Variants in OR51B5 observed in about 807,000 individuals in gnomAD.
OR51B5 encodes olfactory receptor 51B5.
For missense variants in OR51B5, 456 were observed against 374.6 expected, an observed-to-expected ratio of 1.22 and a Z score of -1.79; for synonymous variants, 186 against 144.8, an observed-to-expected ratio of 1.28 and a Z score of -2.04.
At chr11:5,358,763 A>C (rs918708277) in intron 1 of OR51B5, among the ~76,000 whole-genome samples, 1 of 152,206 alleles carries the variant, frequency 6.6e-6, no homozygotes, top group Non-Finnish European at 1.5e-5. Flanking sequence ...TGGCAAAGCA[A>C]ATCCAGCAGC....
intron 1 of OR51B5, among the ~76,000 whole-genome samples, chr11:5,373,005 C>A (rs144519617): frequency 9.9e-5 from 15 of 152,166 alleles, no homozygotes; most frequent in African/African-American, 3.6e-4. Flanking sequence ...ATAAAGAGCC[C>A]AGAAATAAAT....
upstream of OR51B5, among the ~76,000 whole-genome samples, chr11:5,345,462 A>C (rs186023327): frequency 1.3e-5 from 2 of 152,282 alleles, no homozygotes; most frequent in Admixed American, 1.3e-4. Context: ...AGTGAGGGAA[A>C]AATCAAATGA....
At chr11:5,490,715 C>T (rs392736) in intron 1 of OR51B5, among the ~76,000 whole-genome samples, 146,280 of 152,282 alleles carry the variant, frequency 0.96, 70,291 homozygotes, top group South Asian at 0.98. Context: ...ATCTCATACA[C>T]TGTCCAGTAT....
intron 1 of OR51B5, among the ~76,000 whole-genome samples, chr11:5,394,738 C>G (rs1849842228): frequency 6.6e-6 from 1 of 152,184 alleles, no homozygotes; most frequent in African/African-American, 2.4e-5. Flanking sequence ...ATTTGTATCA[C>G]CTGGGAAGCC....
chr11:5,412,702 C>G (rs918912284), intron 1 of OR51B5, among the ~76,000 whole-genome samples: 1 of 152,096 alleles, frequency 6.6e-6, no homozygotes, highest in Non-Finnish European at 1.5e-5. Context: ...GCACAGCAGT[C>G]TGCGATCAAA....
At chr11:5,483,250 T>C (rs868680830) in intron 1 of OR51B5, among the ~76,000 whole-genome samples, 1,697 of 143,778 alleles carry the variant, frequency 0.012, 33 homozygotes, top group African/African-American at 0.041. Context: ...AGTAAACTAT[T>C]GCAAGAACAA....
At chr11:5,389,753 T>C in intron 1 of OR51B5, 1 of 1,613,964 alleles carries the variant, frequency 6.2e-7, no homozygotes, top group Non-Finnish European at 8.5e-7. Flanking sequence ...CATCCACTCT[T>C]TTTCCTTCAT....
intron 1 of OR51B5, among the ~76,000 whole-genome samples, chr11:5,486,247 GTTTTA>G (rs1178070311): frequency 9.8e-6 from 1 of 102,034 alleles, no homozygotes; most frequent in Admixed American, 9.5e-5. Flanking sequence ...TTTTCTTTCT[GTTTTA>G]TTTTTTCAAA....
intron 1 of OR51B5, among the ~76,000 whole-genome samples, chr11:5,436,828 G>A (rs1363048765): frequency 6.6e-6 from 1 of 152,164 alleles, no homozygotes; most frequent in African/African-American, 2.4e-5. Flanking sequence ...CAAAGACACA[G>A]ACTGATCAAA....
chr11:5,489,299 A>T, intron 1 of OR51B5: 1 of 1,611,536 alleles, frequency 6.2e-7, no homozygotes, highest in Non-Finnish European at 8.5e-7. Context: ...ATCACTGTCA[A>T]TATTGTCTAT....
At chr11:5,381,875 T>C (rs915435150) in intron 1 of OR51B5, among the ~76,000 whole-genome samples, 3 of 152,218 alleles carry the variant, frequency 2.0e-5, no homozygotes, top group Non-Finnish European at 4.4e-5. Context: ...CAGATGTTAG[T>C]TTAAAAAAGT....
intron 1 of OR51B5, among the ~76,000 whole-genome samples, chr11:5,397,543 A>T (rs1323910908): frequency 6.6e-6 from 1 of 150,648 alleles, no homozygotes; most frequent in African/African-American, 2.4e-5. Context: ...TTAAAAAGTC[A>T]GGAAACAACA....
intron 1 of OR51B5, among the ~76,000 whole-genome samples, chr11:5,369,490 G>T (rs1420796149): frequency 6.6e-6 from 1 of 151,850 alleles, no homozygotes; most frequent in Non-Finnish European, 1.5e-5. Flanking sequence ...CTGATAATTT[G>T]AGACATTTAA....
At chr11:5,352,433 A>T (rs1221829220) in intron 1 of OR51B5, 1 of 1,585,954 alleles carries the variant, frequency 6.3e-7, no homozygotes, top group Non-Finnish European at 8.6e-7. Context: ...TCTCTGCCTC[A>T]CTCTAGAGCA....
At chr11:5,390,440 T>C in intron 1 of OR51B5, 7 of 1,408,992 alleles carry the variant, frequency 5.0e-6, no homozygotes, top group Non-Finnish European at 6.6e-6. Context: ...GACTGAAAAT[T>C]TGGAGTATTG....
At chr11:5,478,857 T>G (rs990159408) in intron 1 of OR51B5, among the ~76,000 whole-genome samples, 26 of 150,164 alleles carry the variant, frequency 1.7e-4, no homozygotes, top group Middle Eastern at 3.4e-3. Context: ...AATATGGGAC[T>G]ATGTGAAAAG....
At chr11:5,360,053 C>A (rs1200475923) in intron 1 of OR51B5, among the ~76,000 whole-genome samples, 1 of 152,038 alleles carries the variant, frequency 6.6e-6, no homozygotes, top group African/African-American at 2.4e-5. Context: ...GGAAGAAAAC[C>A]TAGGCAATAC....
At chr11:5,484,593 A>G (rs188433392) in intron 1 of OR51B5, among the ~76,000 whole-genome samples, 2 of 152,296 alleles carry the variant, frequency 1.3e-5, no homozygotes, top group Admixed American at 1.3e-4. Context: ...CATTATGATA[A>G]TATCTAATTT....
At chr11:5,440,156 T>C (rs1362314043) in intron 1 of OR51B5, among the ~76,000 whole-genome samples, 3 of 152,172 alleles carry the variant, frequency 2.0e-5, no homozygotes, top group Non-Finnish European at 4.4e-5. Flanking sequence ...AAAGCCTCCA[T>C]ATATTTTGTC....
Sources: allele counts gnomAD v4.1 joint callset (sites outside exome capture counted in the v4.1 genomes callset), GRCh38; gene constraint gnomAD v4.1.1; transcripts MANE v1.5; gene names NCBI Gene and HGNC (gene_info 2026-07-23, HGNC 2026-07-21).